MRTFB: variants seen among roughly 807,000 people sequenced by gnomAD.
MRTFB encodes the protein myocardin related transcription factor B.
MRTFB carries 29 observed loss-of-function variants against 104.2 expected under a neutral mutation model. The ratio of observed to expected loss-of-function variants is 0.28; its 90% confidence interval spans 0.21 to 0.38. The LOEUF (loss-of-function observed/expected upper bound fraction) is 0.38, where lower values mean the gene tolerates loss of function less well. Ranked by LOEUF, MRTFB falls within the 10% of genes least tolerant of loss-of-function variation. MRTFB has a pLI of 1.00. For missense variants in MRTFB, 1,270 were observed against 1,341.6 expected, an observed-to-expected ratio of 0.95 and a Z score of 0.83; for synonymous variants, 535 against 519.5, an observed-to-expected ratio of 1.03 and a Z score of -0.41.
At chr16:14,034,435 G>A in the MRTFB span, among the ~76,000 whole-genome samples, 30 of 152,212 alleles carry the variant, frequency 2.0e-4, no homozygotes, top group Admixed American at 7.9e-4. Context: ...CCAACATGGC[G>A]AAACCCCGTC....
chr16:14,178,665 G>A (rs1435690698), intron 3 of MRTFB, among the ~76,000 whole-genome samples: 1 of 152,190 alleles, frequency 6.6e-6, no homozygotes, highest in Non-Finnish European at 1.5e-5. Context: ...TCACAAACTT[G>A]AGTAATATAC....
chr16:14,201,867 G>T (rs1567451185), intron 3 of MRTFB, among the ~76,000 whole-genome samples: 1 of 151,920 alleles, frequency 6.6e-6, no homozygotes, highest in Non-Finnish European at 1.5e-5. Flanking sequence ...TTGTATTAAT[G>T]GTATTTCTTA....
intron 2 of MRTFB, among the ~76,000 whole-genome samples, chr16:14,113,705 T>G (rs2036392663): frequency 1.3e-5 from 2 of 152,076 alleles, no homozygotes; most frequent in Admixed American, 1.3e-4. Flanking sequence ...CCCATAATCA[T>G]TAAGGAATTT....
intron 3 of MRTFB, among the ~76,000 whole-genome samples, chr16:14,160,486 A>G (rs538891764): frequency 6.6e-6 from 1 of 152,288 alleles, no homozygotes; most frequent in South Asian, 2.1e-4. Context: ...TATTTCTCTT[A>G]TGTAAATGTA....
At chr16:14,004,552 G>A in the MRTFB span, among the ~76,000 whole-genome samples, 1 of 152,160 alleles carries the variant, frequency 6.6e-6, no homozygotes, top group East Asian at 1.9e-4. Flanking sequence ...GGATGGCCAG[G>A]ACACAGCCCA....
chr16:14,196,707 C>G (rs2040447501), intron 3 of MRTFB, among the ~76,000 whole-genome samples: 1 of 152,152 alleles, frequency 6.6e-6, no homozygotes, highest in African/African-American at 2.4e-5. Context: ...TTTATGTGCA[C>G]ACTGTGGAGC....
chr16:14,224,217 C>T (rs1291355150), intron 8 of MRTFB, among the ~76,000 whole-genome samples: 1 of 152,150 alleles, frequency 6.6e-6, no homozygotes, highest in Non-Finnish European at 1.5e-5. Flanking sequence ...GCCCCTCTTC[C>T]AACACTTGGG....
chr16:14,195,708 T>A, intron 3 of MRTFB: 1 of 324,820 alleles, frequency 3.1e-6, no homozygotes, highest in Non-Finnish European at 4.4e-6. Context: ...AATGTACATT[T>A]TTCCATTATA....
At chr16:14,120,275 G>T (rs1181822398) in intron 2 of MRTFB, among the ~76,000 whole-genome samples, 6 of 152,104 alleles carry the variant, frequency 3.9e-5, no homozygotes. Flanking sequence ...GCTTTGTTGG[G>T]TGCCAGTTTC....
Position 14,261,580 on chromosome 16 carries a change from C to CAT in MRTFB, c.*138_*139dup, listed in dbSNP as rs2043781478. The CAT allele has an allele frequency of 1.1e-6, 1 of 907,898 alleles. No individual in the cohort carries two copies. 56.2% of individuals were successfully genotyped at this position (907,898 alleles called of 1,614,324 possible). On this transcript the variant is annotated 3_prime_UTR_variant, in exon 17 of 17. Transcript: ENST00000571589. ...GTCACAGAAAGAATAGGTGGAAGGT[C>CAT]ATAGCCTGGAACCCAAGTTTGAAAA...
intron 3 of MRTFB, among the ~76,000 whole-genome samples, chr16:14,207,554 A>G (rs2041005044): frequency 6.6e-6 from 1 of 152,106 alleles, no homozygotes; most frequent in Non-Finnish European, 1.5e-5. Flanking sequence ...TGGAGTGATG[A>G]GAGTGGTTTT....
rs1217921586 is a variant in MRTFB, at chr16:14,263,158, G to A, written c.*1714G>A. On this transcript the variant is annotated 3_prime_UTR_variant, in exon 17 of 17. Transcript: ENST00000571589. Reference sequence around the variant, plus strand: ...ACAGTGCTCATGTGCCTTCCAGACGGTTCAAGGCAGAGGCCACTGTGCTCA... The same window carrying A: ...ACAGTGCTCATGTGCCTTCCAGACGATTCAAGGCAGAGGCCACTGTGCTCA... 6.6e-6 allele frequency: 1 copy of A among 152,254 alleles called. No individual in the cohort carries two copies. The highest frequency in any genetic ancestry group is 2.4e-5 in the African/African-American group (1 of 41,458). 9.4% of individuals were successfully genotyped at this position (152,254 alleles called of 1,614,324 possible).
rs970706234 is a variant in MRTFB at position 14,075,051 on chromosome 16, T to C, written c.-129+3686T>C. On this transcript the variant is annotated intron_variant, in intron 1 of 16. Transcript: ENST00000571589. ...GTTTCCATTCTGGAAGATCCACTTATAAATGAAAGTTTTCTCAAATGGGAC... is the reference window on the plus strand; with the variant it reads ...GTTTCCATTCTGGAAGATCCACTTACAAATGAAAGTTTTCTCAAATGGGAC... Among the ~76,000 whole-genome samples, 14 of 152,374 alleles carry C rather than the reference T, an allele frequency of 9.2e-5. No individual in the cohort carries two copies. In the South Asian group the frequency reaches 2.5e-3, roughly 27 times the overall value.
In MRTFB at chr16:14,168,619, A is replaced by T. The variant is rs61026771; in HGVS notation, c.154+27859A>T. On this transcript the variant is annotated intron_variant, in intron 3 of 16. Transcript: ENST00000571589. ...CCAGTGTATGAGTAGATCACAGTTT[A>T]TTTATCCATTTTCCTTTTAGTGGAC... Among the ~76,000 whole-genome samples the T allele has an allele frequency of 9.7e-3, 1,473 of 152,170 alleles. 25 individuals are homozygous for T. Among genetic ancestry groups the T allele is most frequent in the African/African-American group, 0.034 (1,402 of 41,490 alleles).
chr16:14,246,169 G>T (rs956102980), intron 11 of MRTFB, among the ~76,000 whole-genome samples: 1 of 152,130 alleles, frequency 6.6e-6, no homozygotes, highest in South Asian at 2.1e-4. Context: ...AAAGTGTCTT[G>T]CACAAGGCAA....
the MRTFB span, among the ~76,000 whole-genome samples, chr16:14,048,161 C>T: frequency 6.6e-6 from 1 of 152,134 alleles, no homozygotes; most frequent in Non-Finnish European, 1.5e-5. Flanking sequence ...TCTTAAAGCC[C>T]CAAAATGATC....
chr16:14,258,235 C>T (rs2043596061), intron 16 of MRTFB, 74 bp downstream of exon 16: 2 of 1,140,438 alleles, frequency 1.8e-6, no homozygotes, highest in East Asian at 2.4e-5. Context: ...TTTTCTTAAG[C>T]ACTCATAGCT....
At chr16:14,143,306 T>G (rs542455237) in intron 3 of MRTFB, 3 of 152,092 alleles carry the variant, frequency 2.0e-5, no homozygotes, top group East Asian at 3.9e-4. Flanking sequence ...TTAACCACAG[T>G]GTTATTATTG....
chr16:14,243,339 G>A (rs1055880294), intron 10 of MRTFB, among the ~76,000 whole-genome samples: 2 of 152,192 alleles, frequency 1.3e-5, no homozygotes, highest in African/African-American at 4.8e-5. Flanking sequence ...TCAACCACAG[G>A]CTTCCCAGAA....
Sources: gnomAD v4.1 joint callset for allele counts (sites outside exome capture counted in the v4.1 genomes callset) on GRCh38, gnomAD v4.1.1 for gene constraint, MANE v1.5 for transcripts, NCBI Gene and HGNC (gene_info 2026-07-23, HGNC 2026-07-21) for gene names.